The following CASP10 variants were observed in gnomAD, a reference collection of about 807,000 sequenced individuals.
The protein encoded by CASP10 is caspase 10.
In CASP10, 41 loss-of-function variants were observed where a neutral mutation model predicts 48.5. The observed-to-expected ratio is 0.85, with a 90% confidence interval of 0.66 to 1.10. The LOEUF is 1.10. Ranked by LOEUF, CASP10 falls within the 50% of genes least tolerant of loss-of-function variation. The pLI is 0.00. For synonymous variants in CASP10, 232 were observed against 238.4 expected (o/e 0.97, Z 0.25); for missense variants, 614 against 614.5 (o/e 1.00, Z 0.01).
At chr2:201,206,093 C>T (rs1457879177) in intron 7 of CASP10, 120 bp downstream of exon 7, 6 of 639,898 alleles carry the variant, frequency 9.4e-6, no homozygotes, top group Non-Finnish European at 8.3e-6. Flanking sequence ...ATTTTAAGGG[C>T]TCCGAGCTGT....
intron 9 of CASP10, chr2:201,213,369 C>T (rs1041057478): frequency 2.0e-5 from 3 of 152,010 alleles, no homozygotes; most frequent in Non-Finnish European, 2.9e-5. Context: ...TATGTTTTCT[C>T]GTGTAAAGGA....
intron 4 of CASP10, 40 bp from the exon 5 acceptor site, chr2:201,195,802 A>T (rs374490783): frequency 6.8e-7 from 1 of 1,475,888 alleles, no homozygotes; most frequent in Non-Finnish European, 9.5e-7. Flanking sequence ...TGCTAGTCAG[A>T]AGGTGATTTT....
intron 6 of CASP10, among the ~76,000 whole-genome samples, chr2:201,204,055 T>C (rs767327096): frequency 6.6e-6 from 1 of 152,118 alleles, no homozygotes. Flanking sequence ...TAGGCCACCC[T>C]CTGTGCAGCA....
rs772312482 is a variant in CASP10 at position 201,210,450 on chromosome 2, G to T, written c.1415+888G>T. Among the ~76,000 whole-genome samples the T allele has an allele frequency of 2.0e-5, 3 of 152,298 alleles. No individual in the cohort carries two copies. The East Asian group carries it at 5.8e-4, about 29-fold the overall frequency. On this transcript the variant is annotated intron_variant, in intron 9 of 9. Transcript: ENST00000286186. ...CTTGAGCCTGTCTCATTAACATCCC[G>T]CTAGATATCCTACCTCTGTTTAGCC...
intron 9 of CASP10, 107 bp downstream of exon 9, chr2:201,209,669 A>G (rs2126048743): frequency 8.4e-7 from 1 of 1,191,680 alleles, no homozygotes; most frequent in Middle Eastern, 2.9e-4. Flanking sequence ...ACGTTGTTCT[A>G]TCCATGTACC....
chr2:201,201,661 G>C (rs1945024074), intron 5 of CASP10, among the ~76,000 whole-genome samples: 1 of 152,176 alleles, frequency 6.6e-6, no homozygotes. Flanking sequence ...GGGGACTGGG[G>C]CACAGCATCT....
intron 7 of CASP10, among the ~76,000 whole-genome samples, chr2:201,207,300 C>T (rs1284797542): frequency 6.6e-6 from 1 of 152,122 alleles, no homozygotes; most frequent in Non-Finnish European, 1.5e-5. Context: ...GGCATAAATA[C>T]CCCAAGGGGT....
chr2:201,218,175 G>A lies in CASP10; in HGVS notation c.*434G>A. 1.9e-6 allele frequency: 2 copies of A among 1,037,208 alleles called. No homozygotes were observed. The highest frequency in any genetic ancestry group is 6.2e-5 in the South Asian group (2 of 32,080). The allele number at this position is 1,037,208 out of a possible 1,614,324, so 64.3% of individuals were successfully genotyped here. A position where few individuals can be genotyped will look rare whatever the true frequency, so the allele number is the denominator to read the frequency against. On this transcript the variant is annotated 3_prime_UTR_variant, in exon 10 of 10. Coordinates refer to ENST00000286186, the MANE Select transcript of CASP10 (RefSeq NM_032977.4). ...AGGCCCAAGTGATCCTCCCACCTCT[G>A]TCCCCAAAATACTGGGATTATAGGC... is the stretch of plus-strand genomic sequence containing the variant.
Position 201,218,295 on chromosome 2 carries a change from C to G in CASP10, c.*554C>G, listed in dbSNP as rs557437023. The G allele has an allele frequency of 5.0e-6, 5 of 997,088 alleles. No homozygotes were observed. Among genetic ancestry groups the G allele is most frequent in the African/African-American group, 1.7e-5 (1 of 57,306 alleles). The allele number at this position is 997,088 out of a possible 1,614,324, so 61.8% of individuals were successfully genotyped here. On this transcript the variant is annotated 3_prime_UTR_variant, in exon 10 of 10. Coordinates refer to ENST00000286186, the MANE Select transcript of CASP10 (RefSeq NM_032977.4). Reference sequence around the variant, plus strand: ...TCTATTCTGAAGACAGAGTAATTGGCTTTGGTTTGTGCAGGTACTTTTTCT... The same window carrying G: ...TCTATTCTGAAGACAGAGTAATTGGGTTTGGTTTGTGCAGGTACTTTTTCT...
At chr2:201,216,968 G>A (rs1945590754) in intron 9 of CASP10, among the ~76,000 whole-genome samples, 1 of 152,132 alleles carries the variant, frequency 6.6e-6, no homozygotes, top group Non-Finnish European at 1.5e-5. Context: ...AACCAGAAAT[G>A]CATTCTCCTC....
chr2:201,217,001 C>G (rs1279717843), intron 9 of CASP10, among the ~76,000 whole-genome samples: 1 of 152,170 alleles, frequency 6.6e-6, no homozygotes, highest in Non-Finnish European at 1.5e-5. Context: ...GGAACCTTGA[C>G]CTTTCATTTG....
At chr2:201,211,841 G>A (rs1288560855) in intron 9 of CASP10, among the ~76,000 whole-genome samples, 1 of 152,152 alleles carries the variant, frequency 6.6e-6, no homozygotes, top group African/African-American at 2.4e-5. Flanking sequence ...CACCAACAGT[G>A]TGTAAGTGTT....
intron 5 of CASP10, among the ~76,000 whole-genome samples, chr2:201,197,237 A>G (rs1052144109): frequency 3.3e-5 from 5 of 151,986 alleles, no homozygotes; most frequent in Admixed American, 1.3e-4. Context: ...TTATCCTCCC[A>G]AAGTGCTGAG....
chr2:201,219,068 G>A lies in CASP10; in HGVS notation c.*1327G>A, dbSNP rs1945654880. 2.5e-5 allele frequency: 20 copies of A among 814,358 alleles called. No individual in the cohort carries two copies. Among genetic ancestry groups the A allele is most frequent in the African/African-American group, 7.4e-5 (4 of 53,850 alleles). The allele number at this position is 814,358 out of a possible 1,614,324, so 50.4% of individuals were successfully genotyped here. A position where few individuals can be genotyped will look rare whatever the true frequency, so the allele number is the denominator to read the frequency against. ...GCAGATCACTTGAGGTCAGGAGTTC[G>A]AGACCAGCCTGGCCAATACGGCAAA... On this transcript the variant is annotated 3_prime_UTR_variant, in exon 10 of 10. Transcript: ENST00000286186.
rs150915936 is a variant in CASP10, at chr2:201,228,996, T to C, written c.1479T>C (p.Ala493=). Residue 493 remains alanine, a synonymous_variant, in exon 10 of 10, where the codon GCT becomes GCC. Transcript: ENST00000272879. ...GCAGGAAGAGAACAGTGTGGGGTGC[T>C]AAACAGATCTCAGCAACCTCCCTGC... The C allele has an allele frequency of 3.1e-6, 5 of 1,614,060 alleles. No homozygotes were observed. The African/African-American group carries it at 4.0e-5, about 13-fold the overall frequency.
chr2:201,200,776 A>G lies in CASP10; in HGVS notation c.685-2954A>G, dbSNP rs1436435806. ...TCATTTGAATTCCCCATCTCCCCCA[A>G]TGGGAAATAACACAGAATTGCAATT... On this transcript the variant is annotated intron_variant, in intron 5 of 9. Coordinates refer to ENST00000286186, the MANE Select transcript of CASP10 (RefSeq NM_032977.4). 10 of 1,154,202 alleles carry G rather than the reference A, an allele frequency of 8.7e-6. No individual in the cohort carries two copies. In the Admixed American group the frequency reaches 2.1e-4, roughly 25 times the overall value. The allele number at this position is 1,154,202 out of a possible 1,614,324, so 71.5% of individuals were successfully genotyped here.
At chr2:201,213,922 G>T (rs1407417788) in intron 9 of CASP10, 1 of 152,150 alleles carries the variant, frequency 6.6e-6, no homozygotes, top group Non-Finnish European at 1.5e-5. Flanking sequence ...TGAGGATGAG[G>T]GTAAGTCGCA....
intron 5 of CASP10, among the ~76,000 whole-genome samples, chr2:201,198,575 C>T (rs1944893556): frequency 8.8e-6 from 1 of 114,000 alleles, no homozygotes; most frequent in African/African-American, 3.6e-5. Flanking sequence ...GAGTCTTGCT[C>T]TGTCTCCCAG....
intron 8 of CASP10, chr2:201,208,406 G>T (rs1433473840): frequency 2.0e-6 from 2 of 984,168 alleles, no homozygotes; most frequent in East Asian, 2.3e-4. Context: ...TGTACTGGGG[G>T]AGAGCCTGCT....
Sources: gnomAD v4.1 joint callset for allele counts (sites outside exome capture counted in the v4.1 genomes callset) on GRCh38, gnomAD v4.1.1 for gene constraint, MANE v1.5 for transcripts, NCBI Gene and HGNC (gene_info 2026-07-23, HGNC 2026-07-21) for gene names.